The following ARIH1 variants were observed in gnomAD, a reference collection of about 807,000 sequenced individuals.
ARIH1 encodes the protein ariadne RBR E3 ubiquitin protein ligase 1.
A neutral mutation model predicts 85.0 loss-of-function variants in ARIH1; 8 were observed. The observed-to-expected ratio is 0.09, with a 90% CI of 0.06 to 0.17. The LOEUF is 0.17. Ranked by LOEUF, ARIH1 falls within the 10% of genes least tolerant of loss-of-function variation. The pLI is 1.00. For synonymous variants in ARIH1, 238 were observed against 253.6 expected (o/e 0.94, Z 0.59); for missense variants, 311 against 718.1 (o/e 0.43, Z 6.48).
rs142410819 is a variant in ARIH1, at chr15:72,501,716, A to T, written c.376-16351A>T. Among the ~76,000 whole-genome samples, 589 of 152,350 alleles carry T rather than the reference A, an allele frequency of 3.9e-3. 1 individual carries two copies. The highest frequency in any genetic ancestry group is 5.2e-3 in the Admixed American group (80 of 15,304). ...GTGAGTATGTGAACAAATAACTGAAAGGTTACAAAATAACTTTAATCATCT... is the reference window on the plus strand; with the variant it reads ...GTGAGTATGTGAACAAATAACTGAATGGTTACAAAATAACTTTAATCATCT... On this transcript the variant is annotated intron_variant, in intron 1 of 13. Transcript: ENST00000379887.
intron 2 of ARIH1, among the ~76,000 whole-genome samples, chr15:72,527,765 C>T (rs1054936494): frequency 6.6e-6 from 1 of 152,204 alleles, no homozygotes. Flanking sequence ...TCTTCTGAGA[C>T]AGCTTTTCTT....
chr15:72,555,449 G>A (rs1193570399), intron 4 of ARIH1, 86 bp downstream of exon 4: 3 of 919,872 alleles, frequency 3.3e-6, no homozygotes, highest in Non-Finnish European at 5.1e-6. Flanking sequence ...ATAAAAACAG[G>A]TGAAGCTTTA....
intron 11 of ARIH1, among the ~76,000 whole-genome samples, chr15:72,572,784 A>G (rs1281364027): frequency 6.6e-6 from 1 of 152,200 alleles, no homozygotes; most frequent in African/African-American, 2.4e-5. Flanking sequence ...TTTATAGGCA[A>G]TATCTTACTT....
intron 2 of ARIH1, among the ~76,000 whole-genome samples, chr15:72,522,584 A>G (rs1290335255): frequency 6.6e-6 from 1 of 151,910 alleles, no homozygotes; most frequent in African/African-American, 2.4e-5. Context: ...TGAAACAGGA[A>G]GTTAGAAAAA....
intron 3 of ARIH1, among the ~76,000 whole-genome samples, chr15:72,551,494 AAGG>A (rs1313771339): frequency 1.3e-5 from 2 of 152,140 alleles, no homozygotes; most frequent in African/African-American, 4.8e-5. Flanking sequence ...AAATATGCAT[AAGG>A]AGAATTTAGT....
chr15:72,476,724 G>A (rs2063796491), intron 1 of ARIH1, among the ~76,000 whole-genome samples: 2 of 152,102 alleles, frequency 1.3e-5, no homozygotes, highest in Non-Finnish European at 2.9e-5. Flanking sequence ...GACAAAACAA[G>A]CCTGCCACCC....
intron 1 of ARIH1, among the ~76,000 whole-genome samples, chr15:72,492,423 A>AT (rs2063863085): frequency 6.6e-6 from 1 of 152,176 alleles, no homozygotes; most frequent in South Asian, 2.1e-4. Context: ...TAATGAGAAA[A>AT]TAGTTCTTTA....
Position 72,560,732 on chromosome 15 carries a change from A to G in ARIH1, c.738-751A>G, listed in dbSNP as rs749235939. Reference sequence around the variant, plus strand: ...GGATCTTGTGGAAGGAGAGAGGCCTATGAAGCTCAAGAGTCAAATGAGGCC... The same window carrying G: ...GGATCTTGTGGAAGGAGAGAGGCCTGTGAAGCTCAAGAGTCAAATGAGGCC... On this transcript the variant is annotated intron_variant, in intron 5 of 13. Transcript: ENST00000379887. Among the ~76,000 whole-genome samples the G allele has an allele frequency of 3.3e-5, 5 of 152,336 alleles. No individual in the cohort carries two copies. In the East Asian group the frequency reaches 9.6e-4, roughly 29 times the overall value.
chr15:72,594,819 T>C lies in ARIH1; in HGVS notation c.*11527T>C, dbSNP rs1379539795. On this transcript the variant is annotated 3_prime_UTR_variant, in exon 14 of 14. Transcript: ENST00000379887. ...ATTTTATGCCTTTTCTTCTTTTTTT[T>C]TTTTTTTTTTTTTTTTTTTGTCTTT... 3 of 135,388 alleles carry C rather than the reference T, an allele frequency of 2.2e-5. No homozygotes were observed. Among genetic ancestry groups the C allele is most frequent in the South Asian group, 2.5e-4 (1 of 3,964 alleles). The allele number at this position is 135,388 out of a possible 1,614,324, so 8.4% of individuals were successfully genotyped here. A position where few individuals can be genotyped will look rare whatever the true frequency, so the allele number is the denominator to read the frequency against.
At chr15:72,489,274 G>C (rs1001354725) in intron 1 of ARIH1, among the ~76,000 whole-genome samples, 12 of 137,310 alleles carry the variant, frequency 8.7e-5, no homozygotes, top group Non-Finnish European at 1.9e-4. Context: ...AAAAAAGACA[G>C]TTGAATCAGT....
rs568139809 is a variant in ARIH1, at chr15:72,521,631, C to T, written c.443+3497C>T. 5.9e-5 allele frequency among the ~76,000 whole-genome samples: 9 copies of T among 152,150 alleles called. 1 individual carries two copies. Among genetic ancestry groups the T allele is most frequent in the African/African-American group, 1.9e-4 (8 of 41,508 alleles). On this transcript the variant is annotated intron_variant, in intron 2 of 13. Transcript: ENST00000379887. ...TGGTGCCATCTCGGCTCACTGCAAC[C>T]TCCGCCTTGTGAGTTCAAGGGATCC...
chr15:72,504,203 C>A (rs530904680), intron 1 of ARIH1, among the ~76,000 whole-genome samples: 2 of 152,128 alleles, frequency 1.3e-5, no homozygotes, highest in East Asian at 3.9e-4. Flanking sequence ...TACAGGTACC[C>A]GCCACCATGC....
rs752310009 is a variant in ARIH1, at chr15:72,474,625, C to G, written c.-15C>G. 77 of 1,510,474 alleles carry G rather than the reference C, an allele frequency of 5.1e-5. No homozygotes were observed. The Admixed American group carries it at 1.6e-3, about 32-fold the overall frequency. 93.6% of individuals were successfully genotyped at this position (1,510,474 alleles called of 1,614,324 possible). A position where few individuals can be genotyped will look rare whatever the true frequency, so the allele number is the denominator to read the frequency against. On this transcript the variant is annotated 5_prime_UTR_variant, in exon 1 of 14. Transcript: ENST00000379887. ...CGCCTCGGCCAGCGTCCGCCGGGCCCCCGCGCGTCGCGCCATGGACTCGGA... is the reference window on the plus strand; with the variant it reads ...CGCCTCGGCCAGCGTCCGCCGGGCCGCCGCGCGTCGCGCCATGGACTCGGA...
In ARIH1 at chr15:72,600,381, ATACT is replaced by A. The variant is rs1184628677; in HGVS notation, c.*17091_*17094del. On this transcript the variant is annotated 3_prime_UTR_variant, in exon 14 of 14. Coordinates refer to ENST00000379887, the MANE Select transcript of ARIH1 (RefSeq NM_005744.5). ...TGATTTCTGGGATTTTCCTGTGAAC[ATACT>A]TCTTGTTTGTTTGTTTTACAGTGGA... is the stretch of plus-strand genomic sequence containing the variant. 1.3e-5 allele frequency: 2 copies of A among 152,158 alleles called. No individual in the cohort carries two copies. The highest frequency in any genetic ancestry group is 4.8e-5 in the African/African-American group (2 of 41,424). 9.4% of individuals were successfully genotyped at this position (152,158 alleles called of 1,614,324 possible).
At chr15:72,522,571 C>T (rs1229956665) in intron 2 of ARIH1, among the ~76,000 whole-genome samples, 1 of 151,792 alleles carries the variant, frequency 6.6e-6, no homozygotes, top group Non-Finnish European at 1.5e-5. Context: ...AGGACCAAGC[C>T]TTTGAAACAG....
chr15:72,506,391 G>T (rs114511827), intron 1 of ARIH1, among the ~76,000 whole-genome samples: 183 of 117,898 alleles, frequency 1.6e-3, no homozygotes, highest in African/African-American at 4.7e-3. Context: ...CTTAGTCATT[G>T]TGGAAGATTT....
At chr15:72,530,216 A>C (rs2064049775) in intron 2 of ARIH1, among the ~76,000 whole-genome samples, 1 of 152,246 alleles carries the variant, frequency 6.6e-6, no homozygotes, top group South Asian at 2.1e-4. Flanking sequence ...ATGTTTGAAA[A>C]GTAAGATTAT....
intron 1 of ARIH1, chr15:72,496,772 G>T (rs1220959000): frequency 1.0e-6 from 1 of 983,870 alleles, no homozygotes; most frequent in Non-Finnish European, 1.2e-6. Flanking sequence ...CCATTGATCT[G>T]TCCATCTGTC....
chr15:72,543,463 T>G (rs2064116536), intron 2 of ARIH1, among the ~76,000 whole-genome samples: 1 of 152,190 alleles, frequency 6.6e-6, no homozygotes, highest in East Asian at 1.9e-4. Flanking sequence ...CTTTTAACTT[T>G]CTGATAATCC....
Sources: allele counts gnomAD v4.1 joint callset (sites outside exome capture counted in the v4.1 genomes callset), GRCh38; gene constraint gnomAD v4.1.1; transcripts MANE v1.5; gene names NCBI Gene and HGNC (gene_info 2026-07-23, HGNC 2026-07-21).